The following PLPP4 variants were observed in gnomAD, a reference collection of about 807,000 sequenced individuals.
PLPP4 encodes the protein diacylglycerol pyrophosphate like 2.
A neutral mutation model predicts 32.2 loss-of-function variants in PLPP4; 20 were observed. That is an observed-to-expected ratio of 0.62 (90% CI 0.44 to 0.90). PLPP4 has a LOEUF of 0.90. PLPP4 is among the 40% of genes least tolerant of loss of function. The probability of loss-of-function intolerance (pLI) is 0.00; values close to 1 mark genes in which losing one functional copy is unlikely to be tolerated. For missense variants in PLPP4, 257 were observed against 353.1 expected (o/e 0.73, Z 2.18); for synonymous variants, 127 against 133.0 (o/e 0.95, Z 0.31).
At chr10:120,553,065 C>T (rs945850756) in intron 5 of PLPP4, among the ~76,000 whole-genome samples, 2 of 152,180 alleles carry the variant, frequency 1.3e-5, no homozygotes, top group African/African-American at 2.4e-5. Context: ...CCAAAAGCAG[C>T]ATGATATGAA....
At chr10:120,485,496 G>A (rs1352448095) in intron 1 of PLPP4, among the ~76,000 whole-genome samples, 4 of 152,214 alleles carry the variant, frequency 2.6e-5, no homozygotes, top group African/African-American at 4.8e-5. Flanking sequence ...GAGGGCAAGT[G>A]GTACAGAGAG....
chr10:120,536,139 ATCTC>A (rs1847006925), intron 5 of PLPP4, among the ~76,000 whole-genome samples: 1 of 152,058 alleles, frequency 6.6e-6, no homozygotes, highest in African/African-American at 2.4e-5. Flanking sequence ...GTTCAATACA[ATCTC>A]TATCAAAATT....
At chr10:120,466,402 A>G (rs1422037975) in intron 1 of PLPP4, among the ~76,000 whole-genome samples, 26 of 152,198 alleles carry the variant, frequency 1.7e-4, no homozygotes, top group Non-Finnish European at 3.1e-4. Context: ...GAATAAATAA[A>G]TTGGAGCACA....
At chr10:120,494,726 G>A (rs1389631294) in intron 1 of PLPP4, among the ~76,000 whole-genome samples, 1 of 152,160 alleles carries the variant, frequency 6.6e-6, no homozygotes, top group African/African-American at 2.4e-5. Context: ...TGGATGATAG[G>A]TACAAGAGAG....
chr10:120,535,321 A>G (rs73371249), intron 5 of PLPP4, among the ~76,000 whole-genome samples: 8,804 of 152,152 alleles, frequency 0.058, 383 homozygotes, highest in Middle Eastern at 0.15. Flanking sequence ...TATTGTGAAT[A>G]GAAAACATAT....
intron 5 of PLPP4, among the ~76,000 whole-genome samples, chr10:120,534,718 C>G (rs1158897162): frequency 6.6e-6 from 1 of 152,114 alleles, no homozygotes; most frequent in African/African-American, 2.4e-5. Context: ...TGTTTCCAAT[C>G]TACTGCTAAG....
chr10:120,538,827 A>G (rs962165833), intron 5 of PLPP4, among the ~76,000 whole-genome samples: 2 of 152,174 alleles, frequency 1.3e-5, no homozygotes, highest in Admixed American at 6.5e-5. Flanking sequence ...TGAGGTCTTT[A>G]CTATTACTAG....
At chr10:120,584,679 A>T (rs1849670826) in intron 6 of PLPP4, among the ~76,000 whole-genome samples, 1 of 152,196 alleles carries the variant, frequency 6.6e-6, no homozygotes, top group Admixed American at 6.5e-5. Context: ...ATGTGATTTT[A>T]TCAAAATAGC....
At chr10:120,530,322 G>GT (rs998900959) in intron 5 of PLPP4, among the ~76,000 whole-genome samples, 200 of 151,082 alleles carry the variant, frequency 1.3e-3, no homozygotes, top group African/African-American at 3.9e-3. Context: ...ACTGTTCAGG[G>GT]TTTTTTTTTG....
At chr10:120,530,548 C>T (rs907491101) in intron 5 of PLPP4, among the ~76,000 whole-genome samples, 5 of 152,054 alleles carry the variant, frequency 3.3e-5, no homozygotes, top group African/African-American at 1.2e-4. Context: ...GTTCTTTATC[C>T]GTCTTATCTT....
chr10:120,474,328 T>C (rs997081365), intron 1 of PLPP4, among the ~76,000 whole-genome samples: 1 of 152,208 alleles, frequency 6.6e-6, no homozygotes, highest in Non-Finnish European at 1.5e-5. Flanking sequence ...TTTATGGTTC[T>C]CTGAGTTATC....
chr10:120,570,412 T>C (rs1848880743), intron 5 of PLPP4, among the ~76,000 whole-genome samples: 1 of 152,170 alleles, frequency 6.6e-6, no homozygotes, highest in African/African-American at 2.4e-5. Context: ...GGAAAGTTTG[T>C]ATAGATTGAC....
intron 3 of PLPP4, 87 bp from the exon 4 acceptor site, chr10:120,518,746 T>A: frequency 9.5e-7 from 1 of 1,049,902 alleles, no homozygotes; most frequent in Admixed American, 1.8e-5. Flanking sequence ...TATTATAATG[T>A]AACAGTGATG....
At chr10:120,503,694 C>G in intron 1 of PLPP4, 124 bp from the exon 2 acceptor site, 2 of 1,588,968 alleles carry the variant, frequency 1.3e-6, no homozygotes, top group South Asian at 2.3e-5. Flanking sequence ...CAGGGCCTGT[C>G]TCTTTCCCCT....
At position 120,577,152 on chromosome 10, in the gene PLPP4, T is replaced by C. The variant is rs899488493; in HGVS notation, c.616+1851T>C. Among the ~76,000 whole-genome samples the C allele has an allele frequency of 3.3e-5, 5 of 152,348 alleles. 1 individual carries two copies. In the East Asian group the frequency reaches 9.6e-4, roughly 29 times the overall value. On this transcript the variant is annotated intron_variant, in intron 6 of 6. Transcript: ENST00000398250. ...ACATTTTTTCTAAGGAAGGATGCAT[T>C]GTGTTTCCCAAACAACTGACTTGGA...
intron 2 of PLPP4, among the ~76,000 whole-genome samples, chr10:120,508,529 A>T (rs555633918): frequency 3.8e-4 from 58 of 152,304 alleles, no homozygotes; most frequent in African/African-American, 1.4e-3. Flanking sequence ...TGGCATCCTC[A>T]TGCCCTCCCC....
rs574014159 is a variant in PLPP4 at position 120,581,955 on chromosome 10, A to G, written c.616+6654A>G. On this transcript the variant is annotated intron_variant, in intron 6 of 6. Transcript: ENST00000398250. ...ATCTTAGGCTGTATGTGGCCATGAG[A>G]TCTTTGTTGCACCTATTCAGTTTGG... Among the ~76,000 whole-genome samples, 17 of 152,292 alleles carry G rather than the reference A, an allele frequency of 1.1e-4. No homozygotes were observed. In the South Asian group the frequency reaches 2.1e-3, roughly 19 times the overall value.
At chr10:120,507,265 C>T (rs2133874640) in intron 2 of PLPP4, among the ~76,000 whole-genome samples, 1 of 152,136 alleles carries the variant, frequency 6.6e-6, no homozygotes, top group South Asian at 2.1e-4. Context: ...ATCCCTGGTA[C>T]ATTAGGATGG....
chr10:120,502,364 G>A (rs1377224466), intron 1 of PLPP4, among the ~76,000 whole-genome samples: 2 of 152,156 alleles, frequency 1.3e-5, no homozygotes, highest in Non-Finnish European at 2.9e-5. Context: ...GAGAAGGAGG[G>A]AGGGAGAGAC....
Sources: gnomAD v4.1 joint callset for allele counts (sites outside exome capture counted in the v4.1 genomes callset) on GRCh38, gnomAD v4.1.1 for gene constraint, MANE v1.5 for transcripts, NCBI Gene and HGNC (gene_info 2026-07-23, HGNC 2026-07-21) for gene names.